FAM169A: variants seen among roughly 807,000 people sequenced by gnomAD.
The protein encoded by FAM169A is family with sequence similarity 169 member A.
Under a neutral mutation model 75.7 loss-of-function variants are expected in FAM169A, and 24 were observed. That is an observed-to-expected ratio of 0.32 (90% CI 0.23 to 0.45). The LOEUF is 0.45. FAM169A is among the 20% of genes least tolerant of loss of function. The pLI is 1.00. For synonymous variants in FAM169A, 271 were observed against 271.0 expected, an observed-to-expected ratio of 1.00 and a Z score of 0.00; for missense variants, 673 against 784.0, an observed-to-expected ratio of 0.86 and a Z score of 1.69.
chr5:74,866,103 G>T, intron 1 of FAM169A, 62 bp downstream of exon 1: 1 of 840,358 alleles, frequency 1.2e-6, no homozygotes, highest in Non-Finnish European at 1.4e-6. Context: ...GGGGCGCGGG[G>T]CCCGGCGCGG....
chr5:74,864,829 G>A (rs17738674), intron 1 of FAM169A, among the ~76,000 whole-genome samples: 11,018 of 152,244 alleles, frequency 0.072, 608 homozygotes, highest in East Asian at 0.16. Context: ...TTTCCCAGGT[G>A]CCTCTCACCA....
intron 1 of FAM169A, among the ~76,000 whole-genome samples, chr5:74,859,129 GCT>G (rs1749902706): frequency 6.6e-6 from 1 of 151,344 alleles, no homozygotes; most frequent in Admixed American, 6.6e-5. Flanking sequence ...CAGGAGAATT[GCT>G]TGAACCCGGG....
chr5:74,785,756 T>C (rs1745663765), intron 11 of FAM169A, among the ~76,000 whole-genome samples: 2 of 152,206 alleles, frequency 1.3e-5, no homozygotes, highest in South Asian at 4.1e-4. Flanking sequence ...AGAATCTGTC[T>C]CAAAACACAC....
rs555274569 is a variant in FAM169A, at chr5:74,841,695, T to C, written c.-3-16A>G. The C allele has an allele frequency of 5.6e-6, 9 of 1,600,622 alleles. No homozygotes were observed. Among genetic ancestry groups the C allele is most frequent in the Non-Finnish European group, 7.7e-6 (9 of 1,172,840 alleles). On this transcript the variant is annotated splice_polypyrimidine_tract_variant and intron_variant, in intron 1 of 12. Transcript: ENST00000687041. ...ATGCCATCCTCTTTAACAAACAACA[T>C]GGAACAAACAATTCAGAATATGAAA...
chr5:74,821,671 A>G (rs73762957), intron 5 of FAM169A, among the ~76,000 whole-genome samples: 3,401 of 152,320 alleles, frequency 0.022, 124 homozygotes, highest in African/African-American at 0.078. Context: ...TTAACATAAT[A>G]AAAGTTCCTT....
intron 6 of FAM169A, among the ~76,000 whole-genome samples, chr5:74,808,159 G>GT (rs1746983677): frequency 6.6e-6 from 1 of 152,120 alleles, no homozygotes; most frequent in African/African-American, 2.4e-5. Context: ...ACTCAAACAG[G>GT]TATCTGTACA....
chr5:74,795,979 G>C (rs765244945), intron 11 of FAM169A, 51 bp downstream of exon 11: 1 of 1,557,816 alleles, frequency 6.4e-7, no homozygotes, highest in Non-Finnish European at 8.8e-7. Flanking sequence ...GATTAAGAAA[G>C]GTAAAATTTA....
chr5:74,827,420 T>C (rs984670522), intron 5 of FAM169A, among the ~76,000 whole-genome samples: 10 of 152,238 alleles, frequency 6.6e-5, no homozygotes, highest in Middle Eastern at 3.4e-3. Context: ...GATGTAATAT[T>C]TTTATGCATG....
chr5:74,841,562 A>T lies in FAM169A; in HGVS notation c.115T>A (p.Ser39Thr), dbSNP rs146415196. ...CGDPENPECF[S>T]LLNITIPISL... ...CACCTTACCGTAATATTGAGAAGAG[A>T]AAAACACTCTGGATTTTCAGGGTCC... The change falls in exon 2 of 13, where the codon TCT becomes ACT. Residue 39 changes from serine to threonine, a missense_variant. Physicochemically the swap from Ser to Thr is moderately conservative, Grantham distance 58. Coordinates refer to ENST00000687041, the MANE Select transcript of FAM169A (RefSeq NM_001376049.1). The T allele has an allele frequency of 3.7e-6, 6 of 1,613,170 alleles. No individual in the cohort carries two copies. Among genetic ancestry groups the T allele is most frequent in the Non-Finnish European group, 2.5e-6 (3 of 1,179,398 alleles).
intron 5 of FAM169A, among the ~76,000 whole-genome samples, chr5:74,815,416 C>T (rs1321763732): frequency 6.6e-6 from 1 of 152,052 alleles, no homozygotes; most frequent in Non-Finnish European, 1.5e-5. Flanking sequence ...GTCTTGAACT[C>T]CTGACCTCAG....
At chr5:74,856,970 G>A (rs1392082116) in intron 1 of FAM169A, among the ~76,000 whole-genome samples, 1 of 151,696 alleles carries the variant, frequency 6.6e-6, no homozygotes, top group African/African-American at 2.4e-5. Flanking sequence ...TTAGCCTGGT[G>A]TGGTGGTGGG....
In FAM169A at chr5:74,813,903, C is replaced by A; in HGVS notation, c.607G>T (p.Val203Phe). The A allele has an allele frequency of 6.2e-7, 1 of 1,609,204 alleles. No homozygotes were observed. The highest frequency in any genetic ancestry group is 8.5e-7 in the Non-Finnish European group (1 of 1,178,732). The change falls in exon 6 of 13, where the codon GTT becomes TTT. Residue 203 changes from valine (V) to phenylalanine (F), a missense_variant. Val to Phe is a conservative substitution (Grantham distance 50, BLOSUM62 -1). Coordinates refer to ENST00000687041, the MANE Select transcript of FAM169A (RefSeq NM_001376049.1). ...DFGLHMLEDF[V>F]DSFTEDALGL... ...AGCGCATCTTCTGTAAAGGAATCAA[C>A]AAAGTCCTCCAGCATGTGAAGCCCA... is the stretch of plus-strand genomic sequence containing the variant.
At chr5:74,809,166 T>A (rs1747038544) in intron 6 of FAM169A, among the ~76,000 whole-genome samples, 1 of 151,946 alleles carries the variant, frequency 6.6e-6, no homozygotes, top group African/African-American at 2.4e-5. Context: ...GAATAAACAG[T>A]AGGATGGGAG....
intron 1 of FAM169A, among the ~76,000 whole-genome samples, chr5:74,858,203 T>C (rs55899032): frequency 0.15 from 22,245 of 151,534 alleles, 1,884 homozygotes; most frequent in African/African-American, 0.23. Context: ...CTGACCAACA[T>C]AGTGAAACTC....
chr5:74,838,474 G>A (rs182497535), intron 4 of FAM169A, among the ~76,000 whole-genome samples: 1 of 152,124 alleles, frequency 6.6e-6, no homozygotes, highest in Non-Finnish European at 1.5e-5. Context: ...ATGAAAACCA[G>A]CTTCCTTCCT....
At chr5:74,861,258 C>T (rs1484926420) in intron 1 of FAM169A, among the ~76,000 whole-genome samples, 1 of 152,188 alleles carries the variant, frequency 6.6e-6, no homozygotes, top group Non-Finnish European at 1.5e-5. Flanking sequence ...AACTATAAGC[C>T]TTGGTTATTC....
chr5:74,807,314 T>C (rs1359583898), intron 6 of FAM169A, among the ~76,000 whole-genome samples: 1 of 152,222 alleles, frequency 6.6e-6, no homozygotes, highest in Non-Finnish European at 1.5e-5. Context: ...TATTTTATGA[T>C]AAACTGTTGA....
At chr5:74,852,518 G>C (rs1047928704) in intron 1 of FAM169A, among the ~76,000 whole-genome samples, 2 of 151,954 alleles carry the variant, frequency 1.3e-5, no homozygotes, top group African/African-American at 4.8e-5. Context: ...CCAAACACTG[G>C]TGCTAGGAGG....
intron 1 of FAM169A, among the ~76,000 whole-genome samples, chr5:74,850,267 G>A (rs768394417): frequency 1.3e-5 from 2 of 152,174 alleles, no homozygotes; most frequent in Admixed American, 6.6e-5. Flanking sequence ...GTCGGACTCC[G>A]ATGTCTGTTT....
Sources: gnomAD v4.1 joint callset for allele counts (sites outside exome capture counted in the v4.1 genomes callset) on GRCh38, gnomAD v4.1.1 for gene constraint, MANE v1.5 for transcripts, NCBI Gene and HGNC (gene_info 2026-07-23, HGNC 2026-07-21) for gene names.